PPP2R1B: variants seen among roughly 807,000 people sequenced by gnomAD.
The protein encoded by PPP2R1B is serine/threonine-protein phosphatase 2A 65 kDa regulatory subunit A beta isoform.
A neutral mutation model predicts 72.7 loss-of-function variants in PPP2R1B; 58 were observed. The ratio of observed to expected loss-of-function variants is 0.80; its 90% CI spans 0.65 to 0.99. The LOEUF (loss-of-function observed/expected upper bound fraction) is 0.99, where lower values mean the gene tolerates loss of function less well. Among genes scored for constraint, PPP2R1B ranks in the 50% least tolerant of loss-of-function variants. The pLI, the probability that PPP2R1B is intolerant of heterozygous loss-of-function variation, is 0.00. For synonymous variants in PPP2R1B, 256 were observed against 264.6 expected (o/e 0.97, Z 0.32); for missense variants, 695 against 733.6 (o/e 0.95, Z 0.61).
chr11:111,755,215 A>C, intron 6 of PPP2R1B, 80 bp downstream of exon 6: 5 of 1,540,608 alleles, frequency 3.2e-6, no homozygotes, highest in Non-Finnish European at 3.5e-6. Context: ...GAAAAGAATT[A>C]ATTCAGAAAC....
the PPP2R1B span, among the ~76,000 whole-genome samples, chr11:111,693,369 G>A: frequency 6.6e-6 from 1 of 151,948 alleles, no homozygotes; most frequent in Non-Finnish European, 1.5e-5. Context: ...AATGAGCCAT[G>A]GATTCACCCA....
chr11:111,723,804 A>G, downstream of PPP2R1B: 1 of 1,613,294 alleles, frequency 6.2e-7, no homozygotes. Flanking sequence ...ACGCAGCTAC[A>G]GCAGCAGCAG....
chr11:111,694,192 G>A, the PPP2R1B span, among the ~76,000 whole-genome samples: 1 of 152,020 alleles, frequency 6.6e-6, no homozygotes, highest in Non-Finnish European at 1.5e-5. Flanking sequence ...TGAAAACAAA[G>A]CCTTAAAATT....
At chr11:111,744,463 T>C (rs541140620) in intron 11 of PPP2R1B, among the ~76,000 whole-genome samples, 1 of 152,342 alleles carries the variant, frequency 6.6e-6, no homozygotes, top group East Asian at 1.9e-4. Flanking sequence ...CCTTTGATCA[T>C]TTATCAAAGA....
At chr11:111,711,312 G>A in the PPP2R1B span, among the ~76,000 whole-genome samples, 4 of 152,030 alleles carry the variant, frequency 2.6e-5, no homozygotes, top group East Asian at 5.8e-4. Flanking sequence ...TAGTAGAGAC[G>A]GGGTTTCACC....
the PPP2R1B span, chr11:111,712,165 G>A: frequency 7.8e-4 from 1,215 of 1,551,556 alleles, 20 homozygotes; most frequent in Non-Finnish European, 1.5e-4. Flanking sequence ...TATTTATAGA[G>A]AAGGTATTCA....
At chr11:111,705,923 C>G in the PPP2R1B span, among the ~76,000 whole-genome samples, 1 of 152,096 alleles carries the variant, frequency 6.6e-6, no homozygotes, top group Non-Finnish European at 1.5e-5. The surrounding 1 kb of genome is among the most constrained non-coding windows in gnomAD (Gnocchi z 4.3). Context: ...TCATATGGCA[C>G]TGTTGGAAGT....
chr11:111,755,590 C>CTT (rs1167247279), intron 5 of PPP2R1B, 140 bp from the exon 6 acceptor site: 7,295 of 448,112 alleles, frequency 0.016, no homozygotes, highest in Middle Eastern at 0.019. Context: ...ACATCTTTTT[C>CTT]TTTTTTTTTT....
chr11:111,748,044 C>G, intron 10 of PPP2R1B, 30 bp from the exon 11 acceptor site: 1 of 1,590,954 alleles, frequency 6.3e-7, no homozygotes, highest in Non-Finnish European at 8.6e-7. Flanking sequence ...CATTAACATA[C>G]ATTGCCAAAA....
At chr11:111,732,555 G>T (rs560615959) in intron 15 of PPP2R1B, among the ~76,000 whole-genome samples, 1 of 152,330 alleles carries the variant, frequency 6.6e-6, no homozygotes, top group African/African-American at 2.4e-5. Context: ...GCCAGGTGTG[G>T]TGGCGGGCGC....
chr11:111,689,263 T>G, the PPP2R1B span, among the ~76,000 whole-genome samples: 1 of 152,102 alleles, frequency 6.6e-6, no homozygotes, highest in Admixed American at 6.5e-5. Flanking sequence ...CTGTAGGTAA[T>G]GGGGAGTCTA....
chr11:111,744,777 A>G (rs1003269444), intron 11 of PPP2R1B, among the ~76,000 whole-genome samples: 3 of 152,208 alleles, frequency 2.0e-5, no homozygotes, highest in Non-Finnish European at 4.4e-5. Flanking sequence ...TTCTATTCAT[A>G]GATCCTTCTG....
chr11:111,711,756 A>G, the PPP2R1B span, among the ~76,000 whole-genome samples: 8 of 152,240 alleles, frequency 5.3e-5, no homozygotes, highest in Admixed American at 5.2e-4. Flanking sequence ...GCAGAGACAC[A>G]GCACTGACTC....
At chr11:111,706,332 T>C in the PPP2R1B span, among the ~76,000 whole-genome samples, 1 of 152,166 alleles carries the variant, frequency 6.6e-6, no homozygotes, top group South Asian at 2.1e-4. Context: ...AAGATAGGGG[T>C]GGCATTAACT....
chr11:111,717,910 G>T, the PPP2R1B span, among the ~76,000 whole-genome samples: 1 of 152,146 alleles, frequency 6.6e-6, no homozygotes, highest in Non-Finnish European at 1.5e-5. Flanking sequence ...ACACACTGGG[G>T]CCTGTTAGGG....
At chr11:111,701,629 G>A in the PPP2R1B span, 1 of 1,580,072 alleles carries the variant, frequency 6.3e-7, no homozygotes, top group Non-Finnish European at 8.6e-7. The surrounding 1 kb of genome is among the most constrained non-coding windows in gnomAD (Gnocchi z 4.2). Flanking sequence ...TGCTCCAAGT[G>A]AAATGCCTAG....
chr11:111,706,677 ATTG>A, the PPP2R1B span, among the ~76,000 whole-genome samples: 1 of 152,140 alleles, frequency 6.6e-6, no homozygotes, highest in Admixed American at 6.6e-5. Flanking sequence ...AAATAAGAGT[ATTG>A]GCTGGGCGTG....
intron 4 of PPP2R1B, 150 bp downstream of exon 4, chr11:111,760,669 T>C (rs1186936333): frequency 2.0e-5 from 14 of 692,080 alleles, no homozygotes; most frequent in African/African-American, 9.1e-5. Context: ...AAAAGAAAGA[T>C]GTCATAAATC....
chr11:111,691,482 A>C, the PPP2R1B span, among the ~76,000 whole-genome samples: 1 of 152,208 alleles, frequency 6.6e-6, no homozygotes, highest in Non-Finnish European at 1.5e-5. Context: ...AATAAGTAGC[A>C]GACCTGGAAT....
Sources: gnomAD v4.1 joint callset for allele counts (sites outside exome capture counted in the v4.1 genomes callset) on GRCh38, gnomAD v4.1.1 for gene constraint, Gnocchi (gnomAD v3.1) non-coding constraint, MANE v1.5 for transcripts, NCBI Gene and HGNC (gene_info 2026-07-23, HGNC 2026-07-21) for gene names.